PDE7B: variants seen among roughly 807,000 people sequenced by gnomAD.
PDE7B encodes the protein 3',5'-cyclic-AMP phosphodiesterase 7B.
In PDE7B, 29 loss-of-function variants were observed where a neutral mutation model predicts 56.2. The observed-to-expected ratio is 0.52, with a 90% CI of 0.38 to 0.70. The LOEUF is 0.70. Ranked by LOEUF, PDE7B falls within the 30% of genes least tolerant of loss-of-function variation. The probability of loss-of-function intolerance (pLI) is 0.00; values close to 1 mark genes in which losing one functional copy is unlikely to be tolerated. For missense variants in PDE7B, 490 were observed against 565.0 expected (o/e 0.87, Z 1.35); for synonymous variants, 197 against 196.9 (o/e 1.00, Z 0.00).
At chr6:136,048,076 A>G (rs186786569) in intron 2 of PDE7B, among the ~76,000 whole-genome samples, 2 of 142,878 alleles carry the variant, frequency 1.4e-5, no homozygotes, top group African/African-American at 4.9e-5. Context: ...GGATGGGTGG[A>G]TGGATAGATA....
At chr6:135,908,716 G>C (rs1776159339) in intron 1 of PDE7B, among the ~76,000 whole-genome samples, 1 of 152,102 alleles carries the variant, frequency 6.6e-6, no homozygotes, top group African/African-American at 2.4e-5. Context: ...AAAGAAGGAA[G>C]CACAAGTATC....
chr6:136,025,800 C>T (rs1456814987), intron 2 of PDE7B, among the ~76,000 whole-genome samples: 3 of 152,230 alleles, frequency 2.0e-5, no homozygotes, highest in Non-Finnish European at 4.4e-5. Flanking sequence ...AGAAATCAGC[C>T]TAGGGCCAGA....
chr6:136,023,375 G>A (rs916685716), intron 2 of PDE7B, among the ~76,000 whole-genome samples: 1 of 152,136 alleles, frequency 6.6e-6, no homozygotes, highest in African/African-American at 2.4e-5. Context: ...TACTAACCAG[G>A]CAGGACCCTG....
chr6:136,148,505 T>C (rs1334884404), intron 4 of PDE7B, among the ~76,000 whole-genome samples: 1 of 79,102 alleles, frequency 1.3e-5, no homozygotes. Flanking sequence ...AGGCAACTAA[T>C]ATATGCCGTT....
Position 136,154,001 on chromosome 6 carries a change from C to T in PDE7B, c.479-74C>T, listed in dbSNP as rs1164208819. ...CACTGATATTTTTAAGCAAAAAGCACCCACAGTAAGTCTAAGCTAGTATAC... is the reference window on the plus strand; with the variant it reads ...CACTGATATTTTTAAGCAAAAAGCATCCACAGTAAGTCTAAGCTAGTATAC... On this transcript the variant is annotated intron_variant, in intron 6 of 12. Coordinates refer to ENST00000308191, the MANE Select transcript of PDE7B (RefSeq NM_018945.4). 3 of 931,626 alleles carry T rather than the reference C, an allele frequency of 3.2e-6. No homozygotes were observed. The East Asian group carries it at 7.6e-5, about 24-fold the overall frequency. 57.7% of individuals were successfully genotyped at this position (931,626 alleles called of 1,614,324 possible).
chr6:136,082,147 C>T (rs1250141484), intron 2 of PDE7B, among the ~76,000 whole-genome samples: 2 of 152,252 alleles, frequency 1.3e-5, no homozygotes, highest in African/African-American at 4.8e-5. Context: ...CTGACGCATC[C>T]GTAATGTGGA....
chr6:136,068,523 C>T (rs532076282), intron 2 of PDE7B, among the ~76,000 whole-genome samples: 70 of 148,738 alleles, frequency 4.7e-4, no homozygotes, highest in African/African-American at 1.3e-3. Flanking sequence ...CTCCGCCTCC[C>T]GGGTTCACAC....
chr6:136,077,944 G>A (rs1484127733), intron 2 of PDE7B, among the ~76,000 whole-genome samples: 1 of 152,166 alleles, frequency 6.6e-6, no homozygotes, highest in Non-Finnish European at 1.5e-5. Flanking sequence ...TTCAAACCTG[G>A]CCAGGCTTCC....
intron 8 of PDE7B, among the ~76,000 whole-genome samples, chr6:136,169,050 G>A (rs961290535): frequency 6.6e-6 from 1 of 152,150 alleles, no homozygotes; most frequent in Non-Finnish European, 1.5e-5. Flanking sequence ...GCAGGCATAA[G>A]TGAGGCCTTC....
At chr6:136,140,583 T>A in intron 3 of PDE7B, among the ~76,000 whole-genome samples, 1 of 152,222 alleles carries the variant, frequency 6.6e-6, no homozygotes. Flanking sequence ...TTCACGATAT[T>A]GATTCCTCCT....
chr6:136,126,810 G>A (rs1221227915), intron 3 of PDE7B, among the ~76,000 whole-genome samples: 1 of 152,110 alleles, frequency 6.6e-6, no homozygotes, highest in Non-Finnish European at 1.5e-5. Context: ...GGAAAGGATG[G>A]GAAGAGGTTG....
At chr6:135,907,503 T>C (rs1776137045) in intron 1 of PDE7B, among the ~76,000 whole-genome samples, 1 of 152,072 alleles carries the variant, frequency 6.6e-6, no homozygotes, top group Non-Finnish European at 1.5e-5. Flanking sequence ...TCTATAGTTG[T>C]TATCAGAGGA....
chr6:135,981,216 T>C (rs1463131525), intron 2 of PDE7B, among the ~76,000 whole-genome samples: 1 of 142,464 alleles, frequency 7.0e-6, no homozygotes, highest in Non-Finnish European at 1.5e-5. Flanking sequence ...TTCTCACTCA[T>C]AGGTGGGAAT....
At chr6:135,886,454 G>A (rs539696778) in intron 1 of PDE7B, among the ~76,000 whole-genome samples, 16 of 151,962 alleles carry the variant, frequency 1.1e-4, no homozygotes, top group Non-Finnish European at 1.9e-4. Flanking sequence ...TGATTTCTAA[G>A]ATTTTAGTGC....
intron 2 of PDE7B, among the ~76,000 whole-genome samples, chr6:136,046,048 C>T (rs1158126042): frequency 6.6e-6 from 1 of 151,832 alleles, no homozygotes; most frequent in Non-Finnish European, 1.5e-5. Flanking sequence ...TTCAGAAAAC[C>T]TGCAGGACAT....
intron 3 of PDE7B, among the ~76,000 whole-genome samples, chr6:136,133,724 G>T (rs1174031037): frequency 6.6e-6 from 1 of 152,132 alleles, no homozygotes; most frequent in East Asian, 1.9e-4. Flanking sequence ...TGCAGCATCT[G>T]CCACATAGCA....
intron 2 of PDE7B, among the ~76,000 whole-genome samples, chr6:136,075,793 C>G (rs968346095): frequency 6.6e-6 from 1 of 152,164 alleles, no homozygotes; most frequent in African/African-American, 2.4e-5. Flanking sequence ...CCTTACAGAA[C>G]AATGCCTCAA....
At chr6:136,041,469 C>T (rs769486458) in intron 2 of PDE7B, among the ~76,000 whole-genome samples, 8 of 152,186 alleles carry the variant, frequency 5.3e-5, no homozygotes, top group Non-Finnish European at 1.0e-4. Flanking sequence ...TACATAGAAA[C>T]GTCTTCCACC....
chr6:136,157,619 G>T (rs1175117286), intron 8 of PDE7B, among the ~76,000 whole-genome samples: 1 of 152,194 alleles, frequency 6.6e-6, no homozygotes, highest in East Asian at 1.9e-4. Context: ...GATCTAAAGT[G>T]TGAGAGGCTT....
Sources: allele counts gnomAD v4.1 joint callset (sites outside exome capture counted in the v4.1 genomes callset), GRCh38; gene constraint gnomAD v4.1.1; transcripts MANE v1.5; gene names NCBI Gene and HGNC (gene_info 2026-07-23, HGNC 2026-07-21).